The following SORT1 variants were observed in gnomAD, a reference collection of about 807,000 sequenced individuals.
SORT1 encodes the protein sortilin 1, also known as sortilin.
In SORT1, 39 loss-of-function variants were observed where a neutral mutation model predicts 101.7. That is an observed-to-expected ratio of 0.38 (90% confidence interval 0.30 to 0.50). The LOEUF (loss-of-function observed/expected upper bound fraction) is 0.50. Ranked by LOEUF, SORT1 falls within the 20% of genes least tolerant of loss-of-function variation. SORT1 has a pLI of 0.90. For synonymous variants in SORT1, 396 were observed against 393.7 expected (o/e 1.01, Z -0.07); for missense variants, 878 against 1,040.4 (o/e 0.84, Z 2.15).
chr1:109,389,739 G>GTT (rs1246064276), intron 1 of SORT1: 1 of 152,170 alleles, frequency 6.6e-6, no homozygotes, highest in African/African-American at 2.4e-5. Context: ...TTTTGGAAAC[G>GTT]TTAGCACTTC....
intron 11 of SORT1, among the ~76,000 whole-genome samples, chr1:109,333,533 T>C (rs1413884042): frequency 6.6e-6 from 1 of 152,050 alleles, no homozygotes; most frequent in East Asian, 1.9e-4. Context: ...AAGGGGTTAA[T>C]ATCCAAACAA....
At chr1:109,378,995 T>C (rs2101643156) in intron 1 of SORT1, among the ~76,000 whole-genome samples, 1 of 151,036 alleles carries the variant, frequency 6.6e-6, no homozygotes, top group East Asian at 2.0e-4. Flanking sequence ...ATACAAAAAT[T>C]AGCTGGGTGT....
chr1:109,326,502 TATACACAC>T lies in SORT1; in HGVS notation c.1643+482_1643+489del, dbSNP rs1260777056. 5.6e-3 allele frequency among the ~76,000 whole-genome samples: 319 copies of T among 56,954 alleles called. 9 individuals carry two copies. In the East Asian group the frequency reaches 0.24, roughly 43 times the overall value. 37.4% of individuals were successfully genotyped at this position (56,954 alleles called of 152,430 possible). The stretch of plus-strand genomic sequence containing the variant: ...ACACACACATATATATACACACATA[TATACACAC>T]ATACACATATATATACACATATATA... On this transcript the variant is annotated intron_variant, in intron 13 of 19. Transcript: ENST00000256637.
At chr1:109,334,914 GATA>G (rs1411949636) in intron 11 of SORT1, among the ~76,000 whole-genome samples, 1 of 152,006 alleles carries the variant, frequency 6.6e-6, no homozygotes, top group Admixed American at 6.6e-5. Context: ...TGGCTAAAAT[GATA>G]ATAAATATTA....
chr1:109,322,835 C>A (rs185066071), intron 15 of SORT1, 97 bp downstream of exon 15: 41 of 1,012,238 alleles, frequency 4.1e-5, no homozygotes, highest in Non-Finnish European at 5.4e-5. Context: ...CCACCGCACC[C>A]GGCTGGATTT....
chr1:109,348,501 A>G (rs556744186), intron 6 of SORT1, among the ~76,000 whole-genome samples: 1 of 152,150 alleles, frequency 6.6e-6, no homozygotes, highest in African/African-American at 2.4e-5. Flanking sequence ...TTGTTTGTTT[A>G]TTTAAGTGAC....
intron 5 of SORT1, among the ~76,000 whole-genome samples, chr1:109,352,755 T>C (rs1248278894): frequency 6.6e-6 from 1 of 152,212 alleles, no homozygotes; most frequent in Non-Finnish European, 1.5e-5. Context: ...ATCCCAATTA[T>C]ATGTACTTCA....
chr1:109,397,880 A>T lies in SORT1; in HGVS notation c.13T>A (p.Trp5Arg), dbSNP rs1400117328. 2 of 1,190,536 alleles carry T rather than the reference A, an allele frequency of 1.7e-6. No homozygotes were observed. 73.7% of individuals were successfully genotyped at this position (1,190,536 alleles called of 1,614,324 possible). The stretch of plus-strand genomic sequence containing the variant: ...CGCGAGAGGCCGTCCGCAGCTCCCC[A>T]GGGCCGCTCCATCGCCGCCGAATGC... MERP[W>R]GAADGLSRWP... The change falls in exon 1 of 20, where the codon TGG becomes AGG. Residue 5 changes from tryptophan to arginine, a missense_variant. Transcript: ENST00000256637.
chr1:109,390,973 C>G (rs1652886924), intron 1 of SORT1, among the ~76,000 whole-genome samples: 1 of 152,012 alleles, frequency 6.6e-6, no homozygotes, highest in African/African-American at 2.4e-5. Flanking sequence ...TTATGGTAAG[C>G]TGACCATCTA....
At chr1:109,383,996 G>C (rs990704212) in intron 1 of SORT1, among the ~76,000 whole-genome samples, 1 of 152,132 alleles carries the variant, frequency 6.6e-6, no homozygotes, top group Non-Finnish European at 1.5e-5. Context: ...ACCGAAGTGC[G>C]GGGGCTAGAA....
At chr1:109,340,383 T>G (rs113572546) in intron 10 of SORT1, among the ~76,000 whole-genome samples, 259 of 152,172 alleles carry the variant, frequency 1.7e-3, no homozygotes, top group African/African-American at 6.0e-3. Flanking sequence ...AATAGAATGT[T>G]GGTTACCAGA....
Position 109,309,655 on chromosome 1 carries a change from A to G in SORT1, c.*4388T>C, listed in dbSNP as rs1169239558. The G allele has an allele frequency of 6.6e-6, 1 of 152,238 alleles. No homozygotes were observed. Among genetic ancestry groups the G allele is most frequent in the Non-Finnish European group, 1.5e-5 (1 of 68,034 alleles). The allele number at this position is 152,238 out of a possible 1,614,324, so 9.4% of individuals were successfully genotyped here. A position where few individuals can be genotyped will look rare whatever the true frequency, so the allele number is the denominator to read the frequency against. On this transcript the variant is annotated 3_prime_UTR_variant, in exon 20 of 20. Transcript: ENST00000256637. ...GAAAATTACCAGTACAAAGTTAAACACATTCAGATTTATTTACACAATGCT... is the reference window on the plus strand; with the variant it reads ...GAAAATTACCAGTACAAAGTTAAACGCATTCAGATTTATTTACACAATGCT...
Position 109,397,829 on chromosome 1 carries a change from G to T in SORT1, c.64C>A (p.Leu22Ile), listed in dbSNP as rs1175174109. The T allele has an allele frequency of 7.7e-7, 1 of 1,302,126 alleles. No homozygotes were observed. Among genetic ancestry groups the T allele is most frequent in the Non-Finnish European group, 9.9e-7 (1 of 1,014,664 alleles). 80.7% of individuals were successfully genotyped at this position (1,302,126 alleles called of 1,614,324 possible). A position where few individuals can be genotyped will look rare whatever the true frequency, so the allele number is the denominator to read the frequency against. ...GACGGCGGCAGCAGCTGCAGGAGGA[G>T]GAGGAGGCCGAGGCCATGGGGCCAG... is the stretch of plus-strand genomic sequence containing the variant. ...SRWPHGLGLL[L>I]LLQLLPPSTL... The change falls in exon 1 of 20, where the codon CTC becomes ATC. Residue 22 changes from leucine (L) to isoleucine (I), a missense_variant. This residue lies in a region of SORT1 where 194 missense variants were observed against 145.9 expected (regional missense o/e 1.33). Transcript: ENST00000256637.
At position 109,317,912 on chromosome 1, in the gene SORT1, C is replaced by T; in HGVS notation, c.2082G>A (p.Leu694=). ...NDSKCVEQPE[L]KGHDLEFCLY... is the part of the protein sequence containing the mutation. ...GACAAAACTCCAGGTCGTGGCCCTTCAGTTCTGGCTGTTCCACACACTTGG... is the reference window on the plus strand; with the variant it reads ...GACAAAACTCCAGGTCGTGGCCCTTTAGTTCTGGCTGTTCCACACACTTGG... The change falls in exon 16 of 20, where the codon CTG becomes CTA. Residue 694 remains leucine, a synonymous_variant. Coordinates refer to ENST00000256637, the MANE Select transcript of SORT1 (RefSeq NM_002959.7). 2 of 1,614,178 alleles carry T rather than the reference C, an allele frequency of 1.2e-6. No individual in the cohort carries two copies. Among genetic ancestry groups the T allele is most frequent in the South Asian group, 1.1e-5 (1 of 91,086 alleles).
At chr1:109,361,710 T>G (rs1195733801) in intron 3 of SORT1, among the ~76,000 whole-genome samples, 1 of 152,234 alleles carries the variant, frequency 6.6e-6, no homozygotes, top group Non-Finnish European at 1.5e-5. Flanking sequence ...TTATACAATC[T>G]TCATTATTCA....
intron 9 of SORT1, among the ~76,000 whole-genome samples, chr1:109,341,693 T>C (rs1379973066): frequency 6.6e-6 from 1 of 152,152 alleles, no homozygotes; most frequent in African/African-American, 2.4e-5. Flanking sequence ...GACATAAAAT[T>C]GCTTTGTCAA....
chr1:109,351,965 GGTGTGTGTGTGTGTGTGTGTGTGT>G (rs10540637), intron 5 of SORT1, among the ~76,000 whole-genome samples: 4 of 147,512 alleles, frequency 2.7e-5, no homozygotes, highest in South Asian at 2.2e-4. Flanking sequence ...GAGAGGTAGG[GGTGTGTGTGTGTGTGTGTGTGTGT>G]GTGTGTGTGT....
At chr1:109,343,806 G>A (rs1051299786) in intron 8 of SORT1, among the ~76,000 whole-genome samples, 7 of 152,092 alleles carry the variant, frequency 4.6e-5, no homozygotes, top group South Asian at 2.1e-4. Context: ...GCGCCACCAC[G>A]CTTGGCTAAT....
intron 15 of SORT1, 112 bp downstream of exon 15, chr1:109,322,820 G>T: frequency 1.2e-6 from 1 of 841,608 alleles, no homozygotes; most frequent in Non-Finnish European, 1.9e-6. Flanking sequence ...GATTACAGGT[G>T]TGAGCCACCG....
Sources: allele counts gnomAD v4.1 joint callset (sites outside exome capture counted in the v4.1 genomes callset), GRCh38; gene constraint gnomAD v4.1.1; regional missense constraint gnomAD v4.1.1; transcripts MANE v1.5; gene names NCBI Gene and HGNC (gene_info 2026-07-23, HGNC 2026-07-21).